Variants in TCF12 observed in about 807,000 individuals in gnomAD.
TCF12 encodes the protein transcription factor 12, also known as DNA-binding protein HTF4.
A neutral mutation model predicts 86.0 loss-of-function variants in TCF12; 45 were observed. The observed-to-expected ratio is 0.52, with a 90% CI of 0.41 to 0.67. TCF12 has a LOEUF of 0.67. TCF12 is among the 30% of genes least tolerant of loss of function. The probability of loss-of-function intolerance (pLI) is 0.00; values close to 1 mark genes in which losing one functional copy is unlikely to be tolerated. For missense variants in TCF12, 881 were observed against 859.9 expected (o/e 1.02, Z -0.31); for synonymous variants, 330 against 299.6 (o/e 1.10, Z -1.05).
chr15:56,935,399 C>G (rs577638828), intron 3 of TCF12, among the ~76,000 whole-genome samples: 4 of 152,260 alleles, frequency 2.6e-5, no homozygotes, highest in African/African-American at 7.2e-5. Flanking sequence ...GGGATACCTT[C>G]TCACTGTGCC....
chr15:56,986,989 A>C (rs1375319182), intron 3 of TCF12, among the ~76,000 whole-genome samples: 5 of 152,208 alleles, frequency 3.3e-5, no homozygotes, highest in African/African-American at 1.2e-4. Flanking sequence ...TAATAAAAGA[A>C]TCTTGGTCTA....
intron 3 of TCF12, among the ~76,000 whole-genome samples, chr15:56,941,248 C>T (rs1394855016): frequency 6.6e-6 from 1 of 151,912 alleles, no homozygotes; most frequent in Non-Finnish European, 1.5e-5. Context: ...TACTTGTAGT[C>T]CCAGCTATTC....
chr15:57,130,098 C>G (rs2051990090), intron 5 of TCF12: 1 of 152,154 alleles, frequency 6.6e-6, no homozygotes, highest in African/African-American at 2.4e-5. Flanking sequence ...TCTTTAGATT[C>G]ATTTGAAATG....
intron 5 of TCF12, among the ~76,000 whole-genome samples, chr15:57,137,634 G>T (rs970065069): frequency 2.0e-5 from 3 of 152,140 alleles, no homozygotes; most frequent in Non-Finnish European, 4.4e-5. Flanking sequence ...CTGCTATCTA[G>T]ATTTTTTTCA....
At chr15:57,023,957 C>T (rs1332399856) in intron 3 of TCF12, among the ~76,000 whole-genome samples, 2 of 152,062 alleles carry the variant, frequency 1.3e-5, no homozygotes, top group African/African-American at 4.8e-5. Flanking sequence ...GGTTCATGTG[C>T]CTATGAAAAT....
chr15:57,188,404 A>C (rs2056798109), intron 6 of TCF12, among the ~76,000 whole-genome samples: 2 of 152,194 alleles, frequency 1.3e-5, no homozygotes, highest in Admixed American at 1.3e-4. Context: ...TCCCCAAAGC[A>C]ATCTGTGGAT....
In TCF12 at chr15:57,271,115, G is replaced by A. The variant is rs532259638; in HGVS notation, c.1746-1915G>A. On this transcript the variant is annotated intron_variant, in intron 18 of 20. Coordinates refer to ENST00000333725, the MANE Select transcript of TCF12 (RefSeq NM_207037.2). Reference sequence around the variant, plus strand: ...GTTCTCTTCAGGGCTGTCAGGCAGGGATATTTAAGTCTGGAGAAACTGTCT... The same window carrying A: ...GTTCTCTTCAGGGCTGTCAGGCAGGAATATTTAAGTCTGGAGAAACTGTCT... 2.0e-5 allele frequency among the ~76,000 whole-genome samples: 3 copies of A among 152,316 alleles called. No individual in the cohort carries two copies. The East Asian group carries it at 5.8e-4, about 29-fold the overall frequency.
chr15:56,973,538 G>A (rs973164544), intron 3 of TCF12, among the ~76,000 whole-genome samples: 8 of 151,970 alleles, frequency 5.3e-5, no homozygotes, highest in South Asian at 2.1e-4. Flanking sequence ...TTTTGTAGTC[G>A]AATAACAACT....
intron 3 of TCF12, among the ~76,000 whole-genome samples, chr15:57,040,630 T>C (rs989847574): frequency 5.3e-5 from 8 of 152,236 alleles, no homozygotes; most frequent in African/African-American, 1.9e-4. Flanking sequence ...AAATAGGTCT[T>C]TACCCTATGG....
rs1475539409 is a variant in TCF12 at position 57,077,323 on chromosome 15, ATATATGTGTGTG to A, written c.222+13502_222+13513del. On this transcript the variant is annotated intron_variant, in intron 4 of 20. Transcript: ENST00000333725. ...GTATTTACTTTCCATATATATGTAT[ATATATGTGTGTG>A]TGTGTGTGTGTGTGTGTGTGTGTGT... Among the ~76,000 whole-genome samples, 18 of 35,684 alleles carry A rather than the reference ATATATGTGTGTG, an allele frequency of 5.0e-4. 1 individual carries two copies. The highest frequency in any genetic ancestry group is 2.3e-3 in the African/African-American group (17 of 7,372). 23.4% of individuals were successfully genotyped at this position (35,684 alleles called of 152,430 possible).
At position 57,251,398 on chromosome 15, in the gene TCF12, G is replaced by T. The variant is rs927045383; in HGVS notation, c.1163G>T (p.Ser388Ile). The T allele has an allele frequency of 6.2e-7, 1 of 1,613,872 alleles. No homozygotes were observed. The highest frequency in any genetic ancestry group is 1.3e-5 in the African/African-American group (1 of 75,002). ...RPGGQAPSSP[S>I]YENSLHSLKN... is the part of the protein sequence containing the mutation. ...GGAGGGCAAGCACCTTCATCCCCAA[G>T]CTATGAAAACTCACTCCACTCCCTG... is the stretch of plus-strand genomic sequence containing the variant. Residue 388 changes from serine (S) to isoleucine (I), a missense_variant, in exon 14 of 21, where the codon AGC (serine) becomes ATC (isoleucine). Physicochemically the swap from Ser to Ile is moderately radical, Grantham distance 142. Coordinates refer to ENST00000333725, the MANE Select transcript of TCF12 (RefSeq NM_207037.2).
In TCF12 at chr15:57,252,447, C is replaced by G; in HGVS notation, c.1215C>G (p.His405Gln). ...SLKNRVEQQL[H>Q]EHLQDAMSFL... ...AAAATCGAGTTGAGCAGCAACTTCA[C>G]GAGCATTTGCAAGATGCAATGTCCT... Residue 405 changes from histidine to glutamine, a missense_variant, in exon 15 of 21, where the codon CAC (histidine) becomes CAG (glutamine). His to Gln is a conservative substitution (Grantham distance 24). Transcript: ENST00000333725. 1.9e-6 allele frequency: 3 copies of G among 1,613,922 alleles called. No homozygotes were observed. The highest frequency in any genetic ancestry group is 2.5e-6 in the Non-Finnish European group (3 of 1,179,880).
At chr15:56,922,831 G>A (rs1264834749) in intron 3 of TCF12, among the ~76,000 whole-genome samples, 1 of 151,860 alleles carries the variant, frequency 6.6e-6, no homozygotes, top group Non-Finnish European at 1.5e-5. Flanking sequence ...AAATCAAGAT[G>A]TACTGGTAGA....
chr15:57,187,787 G>T (rs567664466), intron 6 of TCF12, among the ~76,000 whole-genome samples: 2 of 151,934 alleles, frequency 1.3e-5, no homozygotes, highest in Non-Finnish European at 2.9e-5. Context: ...AAAATTAGCC[G>T]GACATGGTGG....
intron 3 of TCF12, among the ~76,000 whole-genome samples, chr15:56,937,014 T>C (rs1313034384): frequency 6.6e-6 from 1 of 152,146 alleles, no homozygotes; most frequent in East Asian, 1.9e-4. Flanking sequence ...AGAATGATCA[T>C]GGTATTTTGA....
intron 13 of TCF12, chr15:57,247,722 C>G: frequency 1.4e-6 from 1 of 734,382 alleles, no homozygotes; most frequent in East Asian, 2.4e-5. Context: ...ATAGAAAGAG[C>G]TCTCTTTGGT....
chr15:57,045,953 A>G (rs1266813782), intron 3 of TCF12, among the ~76,000 whole-genome samples: 4 of 152,344 alleles, frequency 2.6e-5, no homozygotes, highest in African/African-American at 7.2e-5. Context: ...GGGAAATCCA[A>G]CTTAGACCCA....
chr15:57,286,996 TAAAC>T lies in TCF12; in HGVS notation c.*853_*856del, dbSNP rs2152163037. The T allele has an allele frequency of 5.8e-6, 1 of 171,476 alleles. No individual in the cohort carries two copies. The highest frequency in any genetic ancestry group is 1.6e-4 in the East Asian group (1 of 6,226). 10.6% of individuals were successfully genotyped at this position (171,476 alleles called of 1,614,324 possible). A position where few individuals can be genotyped will look rare whatever the true frequency, so the allele number is the denominator to read the frequency against. On this transcript the variant is annotated 3_prime_UTR_variant, in exon 21 of 21. Transcript: ENST00000333725. ...TTTGTTCTCTAGGTTTTCCCCCAAA[TAAAC>T]ATTGCTTTATTTCTAATAATAACCA...
Position 56,978,439 on chromosome 15 carries a change from T to A in TCF12, c.148+57341T>A, listed in dbSNP as rs749539105. Among the ~76,000 whole-genome samples the A allele has an allele frequency of 5.3e-5, 8 of 152,142 alleles. No homozygotes were observed. In the Middle Eastern group the frequency reaches 0.017, roughly 323 times the overall value. Reference sequence around the variant, plus strand: ...GTTAGTGAAAATAGTGAAAAGAATATGTAATATAAAGAAAAATCATGATTC... The same window carrying A: ...GTTAGTGAAAATAGTGAAAAGAATAAGTAATATAAAGAAAAATCATGATTC... On this transcript the variant is annotated intron_variant, in intron 3 of 20. Coordinates refer to ENST00000333725, the MANE Select transcript of TCF12 (RefSeq NM_207037.2).
Sources: gnomAD v4.1 joint callset for allele counts (sites outside exome capture counted in the v4.1 genomes callset) on GRCh38, gnomAD v4.1.1 for gene constraint, MANE v1.5 for transcripts, NCBI Gene and HGNC (gene_info 2026-07-23, HGNC 2026-07-21) for gene names.